CALY: variants seen among roughly 807,000 people sequenced by gnomAD.
The protein encoded by CALY is calcyon neuron specific vesicular protein, also known as neuron-specific vesicular protein calcyon.
A neutral mutation model predicts 20.2 loss-of-function variants in CALY; 15 were observed. The ratio of observed to expected loss-of-function variants is 0.74; its 90% confidence interval spans 0.50 to 1.14. The LOEUF (loss-of-function observed/expected upper bound fraction) is 1.14, where lower values mean the gene tolerates loss of function less well. Ranked by LOEUF, CALY falls within the 50% of genes most tolerant of loss-of-function variation. The pLI is 0.00. For synonymous variants in CALY, 129 were observed against 131.8 expected, an observed-to-expected ratio of 0.98 and a Z score of 0.15; for missense variants, 270 against 304.4, an observed-to-expected ratio of 0.89 and a Z score of 0.84.
In CALY at chr10:133,324,470, G is replaced by C. The variant is rs1416846782; in HGVS notation, c.*1125C>G. ...CATCCACCAATGGTCGGGGGCTGGGGTGGGCGGGGCTGCAGAGCCGCTGCT... is the reference window on the plus strand; with the variant it reads ...CATCCACCAATGGTCGGGGGCTGGGCTGGGCGGGGCTGCAGAGCCGCTGCT... On this transcript the variant is annotated 3_prime_UTR_variant, in exon 6 of 6. Transcript: ENST00000252939. 3 of 450,000 alleles carry C rather than the reference G, an allele frequency of 6.7e-6. No homozygotes were observed. Among genetic ancestry groups the C allele is most frequent in the Non-Finnish European group, 1.3e-5 (3 of 224,678 alleles). The allele number at this position is 450,000 out of a possible 1,614,324, so 27.9% of individuals were successfully genotyped here.
intron 1 of CALY, among the ~76,000 whole-genome samples, chr10:133,336,092 C>A (rs1348354142): frequency 1.3e-5 from 2 of 152,240 alleles, no homozygotes; most frequent in Admixed American, 1.3e-4. Context: ...GACTGCGGAT[C>A]TGAGGGTCCC....
chr10:133,325,626 C>A (rs1197605118), intron 5 of CALY, 60 bp from the exon 6 acceptor site: 1 of 319,180 alleles, frequency 3.1e-6, no homozygotes. Context: ...CCCCGCGGAC[C>A]CCGCGTCACC....
chr10:133,327,464 G>C, intron 3 of CALY: 3 of 553,268 alleles, frequency 5.4e-6, no homozygotes, highest in Non-Finnish European at 9.5e-6. Flanking sequence ...GAGAATGGAA[G>C]GCTTTGGAAA....
intron 1 of CALY, among the ~76,000 whole-genome samples, chr10:133,331,584 C>T (rs1375936692): frequency 6.6e-6 from 1 of 152,138 alleles, no homozygotes; most frequent in Non-Finnish European, 1.5e-5. Flanking sequence ...AGGGACAGGG[C>T]AGGGCCTTCA....
intron 1 of CALY, among the ~76,000 whole-genome samples, chr10:133,330,466 G>A (rs1207950129): frequency 6.7e-6 from 1 of 149,996 alleles, no homozygotes; most frequent in African/African-American, 2.5e-5. Flanking sequence ...GACCATTCTG[G>A]CTAACACGGT....
intron 4 of CALY, chr10:133,326,381 C>T: frequency 1.1e-6 from 1 of 935,196 alleles, no homozygotes; most frequent in African/African-American, 1.6e-5. Context: ...AGCAAGGACT[C>T]TGCGGAGCGC....
chr10:133,327,444 C>A, intron 3 of CALY: 1 of 527,974 alleles, frequency 1.9e-6, no homozygotes, highest in Admixed American at 3.6e-5. Flanking sequence ...CCTAGCAGAT[C>A]TGTCTACTGG....
intron 1 of CALY, among the ~76,000 whole-genome samples, 169 bp from the exon 2 acceptor site, chr10:133,329,178 A>G (rs1055760634): frequency 1.3e-5 from 2 of 152,244 alleles, no homozygotes; most frequent in African/African-American, 4.8e-5. Flanking sequence ...GGTCAAATCC[A>G]GCGAGATGCT....
rs1464194805 is a variant in CALY, at chr10:133,325,858, G to T, written c.623C>A (p.Ala208Asp). The T allele has an allele frequency of 2.4e-6, 3 of 1,239,142 alleles. No homozygotes were observed. The highest frequency in any genetic ancestry group is 3.0e-6 in the Non-Finnish European group (3 of 993,182). 76.8% of individuals were successfully genotyped at this position (1,239,142 alleles called of 1,614,324 possible). The change falls in exon 5 of 6, where the codon GCC (alanine) becomes GAC (aspartate). Residue 208 changes from alanine to aspartate, a missense_variant. Physicochemically the swap from Ala to Asp is moderately radical, Grantham distance 126. Coordinates refer to ENST00000252939, the MANE Select transcript of CALY (RefSeq NM_015722.4). Reference protein sequence around the residue: ...KAEKEAARKAAGSAAPPPAQ With the variant: ...KAEKEAARKADGSAAPPPAQ Reference sequence around the variant, plus strand: ...CGCGGGCGGGGGCGCCGCGCTCCCGGCCGCCTTCCGCGCCGCCTCCTTCTC... The same window carrying T: ...CGCGGGCGGGGGCGCCGCGCTCCCGTCCGCCTTCCGCGCCGCCTCCTTCTC...
In CALY at chr10:133,325,833, C is replaced by T; in HGVS notation, c.648G>A (p.Ala216=). The T allele has an allele frequency of 2.5e-6, 3 of 1,222,362 alleles. No homozygotes were observed. The highest frequency in any genetic ancestry group is 2.0e-6 in the Non-Finnish European group (2 of 982,430). 75.7% of individuals were successfully genotyped at this position (1,222,362 alleles called of 1,614,324 possible). The change falls in exon 5 of 6, where the codon GCG becomes GCA. Residue 216 remains alanine (A), a synonymous_variant. Transcript: ENST00000252939. Reference sequence around the variant, plus strand: ...GGCTGCGGGGCTGGAGACGTCACTGCGCGGGCGGGGGCGCCGCGCTCCCGG... The same window carrying T: ...GGCTGCGGGGCTGGAGACGTCACTGTGCGGGCGGGGGCGCCGCGCTCCCGG... The part of the protein sequence containing the change: ...KAAGSAAPPP[A]Q
chr10:133,328,049 AG>A, intron 2 of CALY, 34 bp from the exon 3 acceptor site: 1 of 1,383,292 alleles, frequency 7.2e-7, no homozygotes. Flanking sequence ...CTCAGTAGGC[AG>A]CTGGCAGGGA....
At chr10:133,330,676 A>C in intron 1 of CALY, among the ~76,000 whole-genome samples, 1 of 145,532 alleles carries the variant, frequency 6.9e-6, no homozygotes, top group Non-Finnish European at 1.5e-5. Context: ...AAAAAAAAGG[A>C]ATCTGTCATT....
Position 133,328,944 on chromosome 10 carries a change from G to T in CALY, c.46C>A (p.Pro16Thr). ...ATGGCAGCCCCATCCTGGTCCCCAG[G>T]GTCTTTACCTGGCTTCCCAGAGAAG... ...CSFSGKPGKD[P>T]GDQDGAAMDS... The change falls in exon 2 of 6, where the codon CCT (proline) becomes ACT (threonine). Residue 16 changes from proline (P) to threonine (T), a missense_variant. Physicochemically the swap from Pro to Thr is conservative, Grantham distance 38. Transcript: ENST00000252939. 1 of 1,563,852 alleles carries T rather than the reference G, an allele frequency of 6.4e-7. No homozygotes were observed. The highest frequency in any genetic ancestry group is 1.2e-5 in the South Asian group (1 of 85,256).
intron 4 of CALY, 42 bp from the exon 5 acceptor site, chr10:133,326,162 C>G (rs760655251): frequency 6.3e-7 from 1 of 1,580,700 alleles, no homozygotes. Flanking sequence ...GCTGAGCCCT[C>G]CTGTGCGCCC....
At chr10:133,329,826 G>A (rs772118589) in intron 1 of CALY, among the ~76,000 whole-genome samples, 2 of 151,390 alleles carry the variant, frequency 1.3e-5, no homozygotes, top group Non-Finnish European at 2.9e-5. Flanking sequence ...GCAATACGCG[G>A]TATGGGACGT....
At chr10:133,327,680 G>C (rs1848236045) in intron 3 of CALY, 1 of 635,362 alleles carries the variant, frequency 1.6e-6, no homozygotes, top group East Asian at 2.7e-5. Flanking sequence ...CATCTCAGGA[G>C]CGCCACTGTT....
In CALY at chr10:133,325,842, G is replaced by C. The variant is rs1472256533; in HGVS notation, c.639C>G (p.Pro213=). Residue 213 remains proline (P), a synonymous_variant, in exon 5 of 6, where the codon CCC becomes CCG. Coordinates refer to ENST00000252939, the MANE Select transcript of CALY (RefSeq NM_015722.4). ...GCTGGAGACGTCACTGCGCGGGCGG[G>C]GGCGCCGCGCTCCCGGCCGCCTTCC... ...AARKAAGSAA[P]PPAQ is the part of the protein sequence containing the mutation. 40 of 1,228,862 alleles carry C rather than the reference G, an allele frequency of 3.3e-5. No individual in the cohort carries two copies. The highest frequency in any genetic ancestry group is 3.9e-5 in the Non-Finnish European group (38 of 986,802). The allele number at this position is 1,228,862 out of a possible 1,614,324, so 76.1% of individuals were successfully genotyped here.
At chr10:133,329,404 T>TTTTTTTTTTGG (rs1848268156) in intron 1 of CALY, among the ~76,000 whole-genome samples, 1 of 148,812 alleles carries the variant, frequency 6.7e-6, no homozygotes, top group Non-Finnish European at 1.5e-5. Context: ...TTTTTTTTTT[T>TTTTTTTTTTGG]GAGACAGGAT....
At chr10:133,329,392 C>CTTTTTTTTTTTTTTTTTTTT (rs112012967) in intron 1 of CALY, among the ~76,000 whole-genome samples, 28 of 137,436 alleles carry the variant, frequency 2.0e-4, no homozygotes, top group African/African-American at 3.8e-4. Flanking sequence ...TCTTCTTCTT[C>CTTTTTTTTTTTTTTTTTTTT]TTTTTTTTTT....
Sources: allele counts gnomAD v4.1 joint callset (sites outside exome capture counted in the v4.1 genomes callset), GRCh38; gene constraint gnomAD v4.1.1; transcripts MANE v1.5; gene names NCBI Gene and HGNC (gene_info 2026-07-23, HGNC 2026-07-21).